The following HECW2 variants were observed in gnomAD, a reference collection of about 807,000 sequenced individuals.
HECW2 encodes the protein HECT, C2 and WW domain containing E3 ubiquitin protein ligase 2.
HECW2 carries 61 observed loss-of-function variants against 175.2 expected under a neutral mutation model. The observed-to-expected ratio is 0.35, with a 90% CI of 0.28 to 0.43. The LOEUF (loss-of-function observed/expected upper bound fraction) is 0.43, where lower values mean the gene tolerates loss of function less well. Ranked by LOEUF, HECW2 falls within the 20% of genes least tolerant of loss-of-function variation. The pLI is 1.00. For missense variants in HECW2, 1,524 were observed against 2,000.5 expected, an observed-to-expected ratio of 0.76 and a Z score of 4.54; for synonymous variants, 671 against 731.0, an observed-to-expected ratio of 0.92 and a Z score of 1.32.
chr2:196,284,976 G>A lies in HECW2; in HGVS notation c.3001-6314C>T, dbSNP rs147326259. On this transcript the variant is annotated intron_variant, in intron 14 of 28. Transcript: ENST00000644978. ...AGGAAATTCACTCAAGCTTTACAGT[G>A]CTGGGCCAACTAACAACTCAAAAAC... 4.1e-3 allele frequency among the ~76,000 whole-genome samples: 630 copies of A among 152,260 alleles called. 16 individuals carry two copies. The highest frequency in any genetic ancestry group is 0.037 in the Admixed American group (562 of 15,290).
intron 14 of HECW2, chr2:196,288,054 G>C (rs1189079816): frequency 6.6e-6 from 1 of 151,372 alleles, no homozygotes; most frequent in African/African-American, 2.4e-5. Context: ...CAACGTGCAG[G>C]TTTGTTACAT....
At chr2:196,445,880 A>G (rs1158888211) in intron 1 of HECW2, among the ~76,000 whole-genome samples, 1 of 152,018 alleles carries the variant, frequency 6.6e-6, no homozygotes, top group African/African-American at 2.4e-5. Context: ...CACTACCTTC[A>G]CTCTATCCAG....
intron 1 of HECW2, among the ~76,000 whole-genome samples, chr2:196,444,569 G>A (rs1396837688): frequency 6.6e-6 from 1 of 152,026 alleles, no homozygotes; most frequent in Non-Finnish European, 1.5e-5. Flanking sequence ...GACCTCTCTG[G>A]TCCTTACATT....
At chr2:196,471,628 G>A (rs1575584831) in intron 1 of HECW2, among the ~76,000 whole-genome samples, 1 of 152,120 alleles carries the variant, frequency 6.6e-6, no homozygotes, top group African/African-American at 2.4e-5. Flanking sequence ...TGGAATACTA[G>A]GCAGCCATAT....
rs147931633 is a variant in HECW2, at chr2:196,426,587, A to G, written c.292+6545T>C. Among the ~76,000 whole-genome samples, 527 of 152,132 alleles carry G rather than the reference A, an allele frequency of 3.5e-3. 4 individuals are homozygous for G. The highest frequency in any genetic ancestry group is 0.012 in the African/African-American group (489 of 41,502). On this transcript the variant is annotated intron_variant, in intron 2 of 28. Coordinates refer to ENST00000644978, the MANE Select transcript of HECW2 (RefSeq NM_001348768.2). ...TATTCTGGTCCTTTGTCAATTAGAT[A>G]GTTTAAAGGAAAATATTAACACTAT...
chr2:196,274,900 G>C (rs1328904537), intron 15 of HECW2, among the ~76,000 whole-genome samples: 1 of 152,124 alleles, frequency 6.6e-6, no homozygotes, highest in South Asian at 2.1e-4. Context: ...CCATATTACA[G>C]AAATCTTTTG....
intron 1 of HECW2, among the ~76,000 whole-genome samples, chr2:196,533,008 T>C (rs767817145): frequency 6.6e-5 from 10 of 152,206 alleles, no homozygotes; most frequent in Admixed American, 2.0e-4. Flanking sequence ...GCTATCATAT[T>C]AATATTTTTA....
intron 2 of HECW2, among the ~76,000 whole-genome samples, chr2:196,425,365 T>G (rs1359120908): frequency 6.6e-6 from 1 of 152,144 alleles, no homozygotes; most frequent in Non-Finnish European, 1.5e-5. Flanking sequence ...ATTTCAAGTC[T>G]TATTATTTAA....
At chr2:196,582,770 A>G (rs1690836419) in intron 1 of HECW2, among the ~76,000 whole-genome samples, 1 of 152,212 alleles carries the variant, frequency 6.6e-6, no homozygotes, top group South Asian at 2.1e-4. Flanking sequence ...TGAAAACAGT[A>G]TACTTAACCA....
chr2:196,425,792 CA>C (rs1387609816), intron 2 of HECW2, among the ~76,000 whole-genome samples: 1 of 151,598 alleles, frequency 6.6e-6, no homozygotes, highest in Admixed American at 6.6e-5. Flanking sequence ...ATTACAACAA[CA>C]AAAAAAATTA....
intron 1 of HECW2, among the ~76,000 whole-genome samples, chr2:196,530,703 C>T (rs962503189): frequency 1.3e-5 from 2 of 152,156 alleles, no homozygotes; most frequent in African/African-American, 4.8e-5. Context: ...AATTCAATTT[C>T]CCTAATCAGT....
intron 1 of HECW2, among the ~76,000 whole-genome samples, chr2:196,558,004 A>G (rs889575515): frequency 5.3e-5 from 8 of 152,210 alleles, no homozygotes; most frequent in African/African-American, 1.7e-4. Flanking sequence ...CACTTCACAT[A>G]TATTATTAAT....
chr2:196,479,018 C>A (rs779030708), intron 1 of HECW2, among the ~76,000 whole-genome samples: 2 of 152,192 alleles, frequency 1.3e-5, no homozygotes, highest in Non-Finnish European at 2.9e-5. Flanking sequence ...TAATTCAGAA[C>A]AATACAGTAG....
At chr2:196,374,041 A>AAAT (rs1386345035) in intron 2 of HECW2, among the ~76,000 whole-genome samples, 1,698 of 131,456 alleles carry the variant, frequency 0.013, 30 homozygotes, top group African/African-American at 0.057. Flanking sequence ...CAAAAAAAAT[A>AAAT]AAATAAAATA....
chr2:196,486,210 C>T (rs983850516), intron 1 of HECW2, among the ~76,000 whole-genome samples: 2 of 152,132 alleles, frequency 1.3e-5, no homozygotes, highest in Non-Finnish European at 1.5e-5. Context: ...CAATTCTAAA[C>T]GTGAGAAAAT....
At chr2:196,427,195 C>T (rs940064755) in intron 2 of HECW2, among the ~76,000 whole-genome samples, 1 of 152,106 alleles carries the variant, frequency 6.6e-6, no homozygotes, top group Non-Finnish European at 1.5e-5. Flanking sequence ...TATTGATTTA[C>T]ATTTTGGAGA....
At chr2:196,341,307 T>C (rs984040080) in intron 3 of HECW2, among the ~76,000 whole-genome samples, 5 of 152,142 alleles carry the variant, frequency 3.3e-5, no homozygotes, top group Non-Finnish European at 7.4e-5. Flanking sequence ...CCAAAGGAAG[T>C]GATTTTACCT....
chr2:196,549,862 A>G (rs1338991220), intron 1 of HECW2, among the ~76,000 whole-genome samples: 2 of 152,336 alleles, frequency 1.3e-5, no homozygotes, highest in East Asian at 1.9e-4. Flanking sequence ...AGGCAATGCT[A>G]TAATATTCTA....
chr2:196,275,091 A>G (rs1274603528), intron 15 of HECW2, among the ~76,000 whole-genome samples: 1 of 152,170 alleles, frequency 6.6e-6, no homozygotes. Context: ...AATGCTGGAA[A>G]TATCCTCCCC....
Sources: gnomAD v4.1 joint callset for allele counts (sites outside exome capture counted in the v4.1 genomes callset) on GRCh38, gnomAD v4.1.1 for gene constraint, MANE v1.5 for transcripts, NCBI Gene and HGNC (gene_info 2026-07-23, HGNC 2026-07-21) for gene names.